Variants in RERE observed in about 807,000 individuals in gnomAD.
RERE encodes arginine-glutamic acid dipeptide repeats, also known as arginine-glutamic acid dipeptide repeats protein.
A neutral mutation model predicts 146.1 loss-of-function variants in RERE; 40 were observed. That is an observed-to-expected ratio of 0.27 (90% CI 0.21 to 0.36). RERE has a LOEUF of 0.36. Ranked by LOEUF, RERE falls within the 10% of genes least tolerant of loss-of-function variation. The pLI is 1.00. For missense variants in RERE, 1,933 were observed against 2,138.7 expected, an observed-to-expected ratio of 0.90 and a Z score of 1.90; for synonymous variants, 1,003 against 866.0, an observed-to-expected ratio of 1.16 and a Z score of -2.78.
At chr1:8,613,297 A>T (rs1006784751) in intron 4 of RERE, among the ~76,000 whole-genome samples, 40 of 152,158 alleles carry the variant, frequency 2.6e-4, no homozygotes, top group African/African-American at 9.4e-4. Context: ...ATCTAGCCCC[A>T]TTTATATCTC....
At chr1:8,458,188 C>T (rs767749853) in intron 11 of RERE, among the ~76,000 whole-genome samples, 4 of 152,134 alleles carry the variant, frequency 2.6e-5, no homozygotes, top group Non-Finnish European at 2.9e-5. Context: ...AAAATAACCA[C>T]TGTCTATGGG....
chr1:8,675,450 G>A (rs1638812087), intron 1 of RERE, among the ~76,000 whole-genome samples: 1 of 140,806 alleles, frequency 7.1e-6, no homozygotes, highest in African/African-American at 2.7e-5. Flanking sequence ...CTTAAGCCCA[G>A]GAGTTCAAGA....
Position 8,423,105 on chromosome 1 carries a change from A to G in RERE, c.1204-298T>C. 1 of 369,768 alleles carries G rather than the reference A, an allele frequency of 2.7e-6. No individual in the cohort carries two copies. Among genetic ancestry groups the G allele is most frequent in the East Asian group, 4.8e-5 (1 of 20,716 alleles). 22.9% of individuals were successfully genotyped at this position (369,768 alleles called of 1,614,324 possible). A position where few individuals can be genotyped will look rare whatever the true frequency, so the allele number is the denominator to read the frequency against. On this transcript the variant is annotated intron_variant, in intron 11 of 22. Coordinates refer to ENST00000400908, the MANE Select transcript of RERE (RefSeq NM_001042681.2). The surrounding 1 kb of genome is among the most constrained non-coding windows in gnomAD (Gnocchi z 5.4). ...TGTCCCCCTCTTCCACCAGGCACAC[A>G]TTCTGGTGCACGAAGGTATAAATAT...
At chr1:8,813,759 C>A (rs776056246) in intron 1 of RERE, among the ~76,000 whole-genome samples, 9 of 151,900 alleles carry the variant, frequency 5.9e-5, no homozygotes, top group Non-Finnish European at 8.8e-5. Flanking sequence ...GGATTACAGC[C>A]ACGCGCCAAA....
chr1:8,556,446 A>C (rs1646007790), intron 6 of RERE, 29 bp downstream of exon 6: 2 of 1,304,232 alleles, frequency 1.5e-6, no homozygotes, highest in African/African-American at 1.5e-5. Context: ...CTCCTCCTTC[A>C]CATGGAAGAG....
intron 4 of RERE, among the ~76,000 whole-genome samples, chr1:8,612,319 T>C (rs1183493306): frequency 6.6e-6 from 1 of 152,192 alleles, no homozygotes; most frequent in South Asian, 2.1e-4. Flanking sequence ...GAACTCCACA[T>C]ATGGGGAAGC....
chr1:8,600,750 CTTTTTTT>C (rs59816060), intron 4 of RERE, among the ~76,000 whole-genome samples: 3 of 113,442 alleles, frequency 2.6e-5, no homozygotes, highest in Admixed American at 9.2e-5. Flanking sequence ...CAAGCCAATA[CTTTTTTT>C]TTTTTTTTTT....
Position 8,501,174 on chromosome 1 carries a change from T to C in RERE, c.880-3645A>G, listed in dbSNP as rs1190289358. On this transcript the variant is annotated intron_variant, in intron 8 of 22. Coordinates refer to ENST00000400908, the MANE Select transcript of RERE (RefSeq NM_001042681.2). ...CGTCCGGGAGGGGGGGTCAGCCCCCTGCCCGGCCAGCCGCCCCGTCCGGGA... is the reference window on the plus strand; with the variant it reads ...CGTCCGGGAGGGGGGGTCAGCCCCCCGCCCGGCCAGCCGCCCCGTCCGGGA... 5.7e-5 allele frequency among the ~76,000 whole-genome samples: 8 copies of C among 140,216 alleles called. No homozygotes were observed. In the South Asian group the frequency reaches 9.7e-4, roughly 17 times the overall value. The allele number at this position is 140,216 out of a possible 152,430, so 92.0% of individuals were successfully genotyped here.
chr1:8,727,406 G>C (rs1310479215), intron 1 of RERE, among the ~76,000 whole-genome samples: 1 of 152,026 alleles, frequency 6.6e-6, no homozygotes, highest in East Asian at 1.9e-4. Context: ...CCTCTTAAAG[G>C]GCTGGGATTA....
Position 8,382,438 on chromosome 1 carries a change from G to A in RERE, c.1285-16464C>T, listed in dbSNP as rs571070505. Among the ~76,000 whole-genome samples the A allele has an allele frequency of 8.5e-5, 13 of 152,406 alleles. No individual in the cohort carries two copies. In the East Asian group the frequency reaches 2.1e-3, roughly 25 times the overall value. On this transcript the variant is annotated intron_variant, in intron 12 of 22. Transcript: ENST00000400908. The stretch of plus-strand genomic sequence containing the variant: ...GCAGCTTAGGCTTTGGCTCAGCCAC[G>A]TGCGCATGCGTGCGTGTGCATGAGA...
At chr1:8,659,805 CAA>C (rs1638412507) in intron 1 of RERE, among the ~76,000 whole-genome samples, 1 of 151,958 alleles carries the variant, frequency 6.6e-6, no homozygotes. Flanking sequence ...TTTCAGCACT[CAA>C]AGAGAAAAAA....
chr1:8,631,994 G>A (rs2124253331), intron 2 of RERE, among the ~76,000 whole-genome samples: 1 of 152,162 alleles, frequency 6.6e-6, no homozygotes, highest in South Asian at 2.1e-4. Flanking sequence ...AAAAATGCAG[G>A]TGACAATTCT....
At chr1:8,415,117 A>C (rs1312771092) in intron 12 of RERE, among the ~76,000 whole-genome samples, 1 of 152,230 alleles carries the variant, frequency 6.6e-6, no homozygotes, top group Non-Finnish European at 1.5e-5. Flanking sequence ...AAATATCAGC[A>C]AACTAGTTTT....
chr1:8,601,547 A>C (rs545024591), intron 4 of RERE, among the ~76,000 whole-genome samples: 1 of 151,498 alleles, frequency 6.6e-6, no homozygotes, highest in East Asian at 2.0e-4. Context: ...ATTTGCCTTA[A>C]GATGTTATTC....
chr1:8,472,388 C>T (rs776974434), intron 10 of RERE, among the ~76,000 whole-genome samples: 3 of 152,280 alleles, frequency 2.0e-5, no homozygotes, highest in Middle Eastern at 6.8e-3. Context: ...AAATTTAACA[C>T]AGGCTTCCCC....
chr1:8,502,470 G>T (rs1645184402), intron 8 of RERE, among the ~76,000 whole-genome samples: 1 of 122,830 alleles, frequency 8.1e-6, no homozygotes, highest in South Asian at 2.7e-4. Context: ...TGGTGGGGGG[G>T]TCAGCCCCCT....
intron 10 of RERE, among the ~76,000 whole-genome samples, chr1:8,489,819 G>C (rs1288422769): frequency 6.6e-6 from 1 of 152,116 alleles, no homozygotes; most frequent in Non-Finnish European, 1.5e-5. Flanking sequence ...GGGAGGCCCA[G>C]GTGGGAGGAT....
intron 12 of RERE, among the ~76,000 whole-genome samples, chr1:8,411,830 A>G (rs1643623492): frequency 6.6e-6 from 1 of 152,154 alleles, no homozygotes; most frequent in African/African-American, 2.4e-5. Flanking sequence ...CCCCCAGTTC[A>G]CTGGCTCTGT....
At chr1:8,802,485 C>A (rs890770375) in intron 1 of RERE, among the ~76,000 whole-genome samples, 3 of 152,228 alleles carry the variant, frequency 2.0e-5, no homozygotes, top group Admixed American at 2.0e-4. Context: ...TTGCTTCATG[C>A]AATTTCCTGC....
Sources: allele counts gnomAD v4.1 joint callset (sites outside exome capture counted in the v4.1 genomes callset), GRCh38; gene constraint gnomAD v4.1.1; non-coding constraint Gnocchi (gnomAD v3.1); transcripts MANE v1.5; gene names NCBI Gene and HGNC (gene_info 2026-07-23, HGNC 2026-07-21).